Variants in DYNC1I1 observed in about 807,000 individuals in gnomAD.
The protein encoded by DYNC1I1 is cytoplasmic dynein 1 intermediate chain 1.
Under a neutral mutation model 86.6 loss-of-function variants are expected in DYNC1I1, and 43 were observed. That is an observed-to-expected ratio of 0.50 (90% confidence interval 0.39 to 0.64). The LOEUF (loss-of-function observed/expected upper bound fraction) is 0.64, where lower values mean the gene tolerates loss of function less well. Among genes scored for constraint, DYNC1I1 ranks in the 30% least tolerant of loss-of-function variants. The pLI, the probability that DYNC1I1 is intolerant of heterozygous loss-of-function variation, is 0.00. For synonymous variants in DYNC1I1, 262 were observed against 283.7 expected (o/e 0.92, Z 0.77); for missense variants, 604 against 788.8 (o/e 0.77, Z 2.81).
intron 7 of DYNC1I1, among the ~76,000 whole-genome samples, chr7:95,980,536 C>CTTTT (rs56835338): frequency 7.3e-5 from 4 of 54,426 alleles, no homozygotes; most frequent in Non-Finnish European, 1.4e-4. Flanking sequence ...AGAAATCTGG[C>CTTTT]TTTTTTTTTT....
intron 6 of DYNC1I1, among the ~76,000 whole-genome samples, chr7:95,947,136 GA>G (rs1232153813): frequency 6.6e-6 from 1 of 152,150 alleles, no homozygotes; most frequent in African/African-American, 2.4e-5. Flanking sequence ...TAAAAATGGG[GA>G]TAATAATAGT....
rs549617541 is a variant in DYNC1I1 at position 95,928,897 on chromosome 7, G to T, written c.491-48615G>T. Among the ~76,000 whole-genome samples the T allele has an allele frequency of 2.6e-5, 4 of 152,218 alleles. No individual in the cohort carries two copies. In the East Asian group the frequency reaches 7.7e-4, roughly 29 times the overall value. On this transcript the variant is annotated intron_variant, in intron 6 of 16. Coordinates refer to ENST00000447467, the MANE Select transcript of DYNC1I1 (RefSeq NM_001135556.2). The stretch of plus-strand genomic sequence containing the variant: ...AAGTGGTGGTTCTTGCTGTTTTCTT[G>T]TGCTTGTTAAGAGTATTACTATGTG...
chr7:96,054,599 C>G (rs1789515253), intron 14 of DYNC1I1, among the ~76,000 whole-genome samples: 1 of 152,212 alleles, frequency 6.6e-6, no homozygotes, highest in African/African-American at 2.4e-5. Flanking sequence ...TACACTCCCA[C>G]CAACAATGTA....
downstream of DYNC1I1, among the ~76,000 whole-genome samples, chr7:96,101,617 T>A (rs1385771989): frequency 6.6e-6 from 1 of 152,266 alleles, no homozygotes; most frequent in East Asian, 1.9e-4. Context: ...GGCAACAAGG[T>A]AATGTAATGG....
chr7:95,966,446 C>T (rs559501745), intron 6 of DYNC1I1, among the ~76,000 whole-genome samples: 177 of 152,234 alleles, frequency 1.2e-3, no homozygotes, highest in Non-Finnish European at 2.1e-3. Flanking sequence ...AATAGAGGGC[C>T]TGTTATCCCA....
chr7:96,061,256 G>A (rs1342666442), intron 14 of DYNC1I1, among the ~76,000 whole-genome samples: 1 of 152,174 alleles, frequency 6.6e-6, no homozygotes, highest in Non-Finnish European at 1.5e-5. Context: ...TCTGCCCAGT[G>A]GGATCAGATG....
At chr7:95,885,290 C>T (rs905144065) in intron 6 of DYNC1I1, among the ~76,000 whole-genome samples, 10 of 152,062 alleles carry the variant, frequency 6.6e-5, no homozygotes, top group African/African-American at 2.4e-4. Flanking sequence ...GCCTCAGCCT[C>T]TCAATTAGCT....
intron 10 of DYNC1I1, among the ~76,000 whole-genome samples, chr7:96,013,350 G>T (rs117247763): frequency 6.6e-6 from 1 of 152,170 alleles, no homozygotes; most frequent in African/African-American, 2.4e-5. Flanking sequence ...AAAAAGAAAC[G>T]TAGCACTGTC....
intron 5 of DYNC1I1, among the ~76,000 whole-genome samples, chr7:95,846,111 T>G (rs758518100): frequency 1.3e-5 from 2 of 152,214 alleles, no homozygotes; most frequent in East Asian, 3.8e-4. Context: ...TTTTCATAAG[T>G]ATCAAGGTAG....
chr7:95,800,612 G>A (rs1282935613), intron 1 of DYNC1I1, among the ~76,000 whole-genome samples: 1 of 152,168 alleles, frequency 6.6e-6, no homozygotes, highest in East Asian at 1.9e-4. Context: ...CCTAAATCTG[G>A]GTAGAGTGAA....
intron 10 of DYNC1I1, among the ~76,000 whole-genome samples, chr7:96,004,200 T>C (rs1220134246): frequency 4.6e-5 from 7 of 152,240 alleles, no homozygotes; most frequent in African/African-American, 1.7e-4. Context: ...TCCGTTTTTA[T>C]ATCCGATTGT....
At chr7:96,043,543 A>AAAT (rs1789120743) in intron 14 of DYNC1I1, among the ~76,000 whole-genome samples, 1 of 150,038 alleles carries the variant, frequency 6.7e-6, no homozygotes. Context: ...TGTATTAAAA[A>AAAT]AAAAAAAACA....
intron 6 of DYNC1I1, among the ~76,000 whole-genome samples, chr7:95,973,835 G>A (rs1384522553): frequency 6.6e-6 from 1 of 152,102 alleles, no homozygotes; most frequent in African/African-American, 2.4e-5. Context: ...AAAGTCATTT[G>A]GTAAAACTAC....
intron 10 of DYNC1I1, among the ~76,000 whole-genome samples, chr7:95,997,571 A>G (rs1793897000): frequency 7.1e-6 from 1 of 141,726 alleles, no homozygotes. Flanking sequence ...GTATTAATTG[A>G]AAAGGGCATT....
chr7:95,781,005 C>CA (rs376390109), intron 1 of DYNC1I1, among the ~76,000 whole-genome samples: 5,638 of 145,478 alleles, frequency 0.039, 195 homozygotes, highest in African/African-American at 0.092. Flanking sequence ...ATAACAACAA[C>CA]AAAAAAAAAA....
intron 6 of DYNC1I1, among the ~76,000 whole-genome samples, chr7:95,914,486 A>G (rs1791419569): frequency 6.6e-6 from 1 of 152,228 alleles, no homozygotes; most frequent in Admixed American, 6.5e-5. Context: ...TCACCCTTTA[A>G]TAAAATTGGT....
chr7:95,861,480 A>G (rs1174009747), intron 5 of DYNC1I1, among the ~76,000 whole-genome samples: 1 of 152,176 alleles, frequency 6.6e-6, no homozygotes, highest in South Asian at 2.1e-4. Context: ...ATGCGCCTTT[A>G]TTTAGGATTA....
chr7:96,068,428 G>A (rs750144224), intron 14 of DYNC1I1, among the ~76,000 whole-genome samples: 9 of 152,114 alleles, frequency 5.9e-5, no homozygotes, highest in Non-Finnish European at 1.2e-4. Flanking sequence ...TGGGAGATGT[G>A]GGAGTGCAGA....
downstream of DYNC1I1, among the ~76,000 whole-genome samples, chr7:96,100,651 TGTG>T (rs1330287412): frequency 2.9e-5 from 1 of 34,710 alleles, no homozygotes; most frequent in Non-Finnish European, 4.9e-5. Context: ...TTGAGGGTTT[TGTG>T]TGTGTGTGTG....
Sources: allele counts gnomAD v4.1 joint callset (sites outside exome capture counted in the v4.1 genomes callset), GRCh38; gene constraint gnomAD v4.1.1; transcripts MANE v1.5; gene names NCBI Gene and HGNC (gene_info 2026-07-23, HGNC 2026-07-21).